The following PDE3B variants were observed in gnomAD, a reference collection of about 807,000 sequenced individuals.
PDE3B encodes cGMP-inhibited 3',5'-cyclic phosphodiesterase 3B.
In PDE3B, 66 loss-of-function variants were observed where a neutral mutation model predicts 116.8. The observed-to-expected ratio is 0.56, with a 90% CI of 0.46 to 0.69. PDE3B has a LOEUF of 0.69. Among genes scored for constraint, PDE3B ranks in the 30% least tolerant of loss-of-function variants. PDE3B has a pLI of 0.00. For synonymous variants in PDE3B, 595 were observed against 533.6 expected (o/e 1.12, Z -1.59); for missense variants, 1,384 against 1,368.1 (o/e 1.01, Z -0.18).
chr11:14,725,160 C>T (rs1008448234), intron 1 of PDE3B, among the ~76,000 whole-genome samples: 2 of 152,090 alleles, frequency 1.3e-5, no homozygotes, highest in African/African-American at 4.8e-5. Flanking sequence ...TATCCAAATC[C>T]AAGTGATTAA....
chr11:14,799,263 G>A (rs1255222145), intron 4 of PDE3B, among the ~76,000 whole-genome samples: 1 of 152,168 alleles, frequency 6.6e-6, no homozygotes, highest in African/African-American at 2.4e-5. Flanking sequence ...TCCTAATCCT[G>A]AGTTCTAATT....
chr11:14,744,628 A>G (rs1055998759), intron 1 of PDE3B, among the ~76,000 whole-genome samples: 3 of 152,220 alleles, frequency 2.0e-5, no homozygotes, highest in South Asian at 4.1e-4. Context: ...CCCAATGTGC[A>G]TACACAGAGA....
chr11:14,746,356 G>C (rs1370928392), intron 1 of PDE3B, among the ~76,000 whole-genome samples: 1 of 152,126 alleles, frequency 6.6e-6, no homozygotes, highest in Non-Finnish European at 1.5e-5. Context: ...GTGCACTCCA[G>C]CCTGGGTGAT....
At chr11:14,844,114 C>T in intron 12 of PDE3B, 88 bp downstream of exon 12, 1 of 937,310 alleles carries the variant, frequency 1.1e-6, no homozygotes, top group Non-Finnish European at 1.7e-6. Flanking sequence ...TCAGTTGAAT[C>T]ATATGTCCAA....
chr11:14,712,766 C>T (rs193203193), intron 1 of PDE3B, among the ~76,000 whole-genome samples: 9 of 152,300 alleles, frequency 5.9e-5, no homozygotes, highest in South Asian at 4.1e-4. Flanking sequence ...TGAGCCACTG[C>T]GCCTGGCCAA....
intron 1 of PDE3B, among the ~76,000 whole-genome samples, chr11:14,665,877 A>G (rs1348006166): frequency 6.6e-6 from 1 of 152,196 alleles, no homozygotes; most frequent in African/African-American, 2.4e-5. Flanking sequence ...TTATAGATTC[A>G]ATGCCATCCC....
At chr11:14,855,647 AAGAG>A (rs147471498) in intron 12 of PDE3B, among the ~76,000 whole-genome samples, 77 of 150,034 alleles carry the variant, frequency 5.1e-4, no homozygotes, top group Middle Eastern at 3.4e-3. Flanking sequence ...GTGTGTGAGC[AAGAG>A]AGAGAGAGAG....
At chr11:14,737,303 C>T (rs780500627) in intron 1 of PDE3B, among the ~76,000 whole-genome samples, 22 of 152,032 alleles carry the variant, frequency 1.4e-4, no homozygotes, top group Non-Finnish European at 2.6e-4. Context: ...ACGCTGTTCT[C>T]CTGCCTCAGC....
chr11:14,869,409 A>G (rs1220152777), intron 15 of PDE3B, 52 bp from the exon 16 acceptor site: 1 of 1,494,934 alleles, frequency 6.7e-7, no homozygotes, highest in Non-Finnish European at 9.2e-7. Context: ...TATTTGTTGA[A>G]TGATTAAATC....
chr11:14,864,905 C>G (rs1848015746), intron 14 of PDE3B, among the ~76,000 whole-genome samples: 1 of 152,104 alleles, frequency 6.6e-6, no homozygotes. Context: ...CTAAAATCGA[C>G]ACCCTAACGT....
intron 1 of PDE3B, chr11:14,673,993 T>G (rs1249588849): frequency 7.2e-7 from 1 of 1,387,672 alleles, no homozygotes; most frequent in African/African-American, 1.4e-5. Flanking sequence ...TCCACATTTC[T>G]TCTTGGCAGG....
chr11:14,731,255 ATTTTTTT>A (rs778089171), intron 1 of PDE3B, among the ~76,000 whole-genome samples: 5 of 121,106 alleles, frequency 4.1e-5, no homozygotes, highest in South Asian at 2.7e-4. Context: ...TTTTACTTTG[ATTTTTTT>A]TTTTTTTTTT....
At chr11:14,893,089 A>G in the PDE3B span, among the ~76,000 whole-genome samples, 1 of 152,214 alleles carries the variant, frequency 6.6e-6, no homozygotes, top group African/African-American at 2.4e-5. Flanking sequence ...CATGAGTTTT[A>G]TGGTCCTCAT....
At chr11:14,715,869 C>T (rs999900943) in intron 1 of PDE3B, among the ~76,000 whole-genome samples, 1 of 152,122 alleles carries the variant, frequency 6.6e-6, no homozygotes, top group African/African-American at 2.4e-5. Flanking sequence ...GCCAAATGTC[C>T]AACAATGATA....
chr11:14,661,500 G>A (rs1853908033), intron 1 of PDE3B, among the ~76,000 whole-genome samples: 2 of 152,326 alleles, frequency 1.3e-5, no homozygotes, highest in Admixed American at 1.3e-4. Flanking sequence ...GAAGCAGGGT[G>A]AGGCATTGCC....
chr11:14,827,072 A>G (rs940762353), intron 7 of PDE3B, among the ~76,000 whole-genome samples: 3 of 152,338 alleles, frequency 2.0e-5, no homozygotes, highest in African/African-American at 7.2e-5. Flanking sequence ...CAAAAGCCAC[A>G]TGATTATCTC....
intron 2 of PDE3B, among the ~76,000 whole-genome samples, chr11:14,784,417 A>G (rs1216554961): frequency 6.6e-6 from 1 of 152,230 alleles, no homozygotes; most frequent in African/African-American, 2.4e-5. Context: ...AGACCTAACT[A>G]GTAGTAAGGT....
intron 5 of PDE3B, among the ~76,000 whole-genome samples, chr11:14,817,678 G>T (rs183514481): frequency 6.6e-6 from 1 of 152,272 alleles, no homozygotes; most frequent in African/African-American, 2.4e-5. Flanking sequence ...TGAGTCTGCA[G>T]TGAGCCATGA....
At position 14,855,039 on chromosome 11, in the gene PDE3B, A is replaced by G. The variant is rs543427451; in HGVS notation, c.2521-4004A>G. On this transcript the variant is annotated intron_variant, in intron 12 of 15. Coordinates refer to ENST00000282096, the MANE Select transcript of PDE3B (RefSeq NM_000922.4). ...AACTATAATAAAGGAACATCAGAAA[A>G]CAAGTTAGGCTCTTAGAAACTAAAA... Among the ~76,000 whole-genome samples, 11 of 152,336 alleles carry G rather than the reference A, an allele frequency of 7.2e-5. No individual in the cohort carries two copies. In the South Asian group the frequency reaches 2.3e-3, roughly 32 times the overall value.
Sources: allele counts gnomAD v4.1 joint callset (sites outside exome capture counted in the v4.1 genomes callset), GRCh38; gene constraint gnomAD v4.1.1; transcripts MANE v1.5; gene names NCBI Gene and HGNC (gene_info 2026-07-23, HGNC 2026-07-21).